The following VAPA variants were observed in gnomAD, a reference collection of about 807,000 sequenced individuals.
VAPA encodes VAMP associated protein A.
VAPA carries 6 observed loss-of-function variants against 25.6 expected under a neutral mutation model. The observed-to-expected ratio is 0.23, with a 90% CI of 0.13 to 0.46. The LOEUF (loss-of-function observed/expected upper bound fraction) is 0.46, where lower values mean the gene tolerates loss of function less well. VAPA is among the 20% of genes least tolerant of loss of function. VAPA has a pLI of 0.99. For synonymous variants in VAPA, 112 were observed against 106.2 expected (o/e 1.05, Z -0.34); for missense variants, 244 against 302.1 (o/e 0.81, Z 1.43).
At position 9,955,837 on chromosome 18, in the gene VAPA, G is replaced by C. The variant is rs2069543361; in HGVS notation, c.*1626G>C. On this transcript the variant is annotated 3_prime_UTR_variant, in exon 6 of 6. Coordinates refer to ENST00000400000, the MANE Select transcript of VAPA (RefSeq NM_194434.3). ...CACAAGTAATGCCTATCCATTACTA[G>C]CATGCTATGCTGCATGCTTTACTGC... The C allele has an allele frequency of 6.6e-6, 1 of 152,134 alleles. No homozygotes were observed. Among genetic ancestry groups the C allele is most frequent in the Non-Finnish European group, 1.5e-5 (1 of 68,004 alleles). The allele number at this position is 152,134 out of a possible 1,614,324, so 9.4% of individuals were successfully genotyped here.
intron 2 of VAPA, among the ~76,000 whole-genome samples, 199 bp from the exon 3 acceptor site, chr18:9,935,911 A>G (rs2069305072): frequency 6.6e-6 from 1 of 152,206 alleles, no homozygotes; most frequent in Non-Finnish European, 1.5e-5. Flanking sequence ...TGATTCTTAA[A>G]CATTCCAGTG....
intron 1 of VAPA, among the ~76,000 whole-genome samples, chr18:9,930,037 T>C (rs1026393736): frequency 3.3e-5 from 5 of 152,168 alleles, no homozygotes; most frequent in Admixed American, 1.3e-4. Context: ...ACAACTCTTG[T>C]AGAGTTTGTT....
Position 9,958,793 on chromosome 18 carries a change from A to T in VAPA, c.*4582A>T, listed in dbSNP as rs921829802. Reference sequence around the variant, plus strand: ...AATTGCATAAAAGCTTTGCTTGTCAAGTTAGGATTGCTGGAATACCACTAA... The same window carrying T: ...AATTGCATAAAAGCTTTGCTTGTCATGTTAGGATTGCTGGAATACCACTAA... On this transcript the variant is annotated 3_prime_UTR_variant, in exon 6 of 6. Transcript: ENST00000400000. The T allele has an allele frequency of 1.3e-5, 2 of 152,238 alleles. No individual in the cohort carries two copies. The highest frequency in any genetic ancestry group is 1.3e-4 in the Admixed American group (2 of 15,280). The allele number at this position is 152,238 out of a possible 1,614,324, so 9.4% of individuals were successfully genotyped here.
At chr18:9,946,468 T>C (rs531329269) in intron 4 of VAPA, among the ~76,000 whole-genome samples, 1 of 138,510 alleles carries the variant, frequency 7.2e-6, no homozygotes, top group African/African-American at 2.5e-5. Flanking sequence ...GAGTTTTTTT[T>C]TGTGTGATTT....
intron 1 of VAPA, among the ~76,000 whole-genome samples, chr18:9,922,145 T>C (rs116961012): frequency 0.02 from 2,982 of 152,166 alleles, 45 homozygotes; most frequent in Non-Finnish European, 0.03. Context: ...TTATATGTTT[T>C]ATTTTTTGTA....
chr18:9,939,420 G>A (rs1409467274), intron 4 of VAPA, among the ~76,000 whole-genome samples: 1 of 151,836 alleles, frequency 6.6e-6, no homozygotes, highest in African/African-American at 2.4e-5. Context: ...CTCCCAAAGT[G>A]CTGGGATTAC....
At chr18:9,939,565 T>G (rs2069346478) in intron 4 of VAPA, among the ~76,000 whole-genome samples, 1 of 151,330 alleles carries the variant, frequency 6.6e-6, no homozygotes, top group African/African-American at 2.4e-5. Flanking sequence ...ATTATTAAAC[T>G]AGGTTTGCCT....
At position 9,954,525 on chromosome 18, in the gene VAPA, CAG is replaced by C. The variant is rs999776786; in HGVS notation, c.*317_*318del. 4 of 228,824 alleles carry C rather than the reference CAG, an allele frequency of 1.7e-5. No individual in the cohort carries two copies. Among genetic ancestry groups the C allele is most frequent in the East Asian group, 1.0e-4 (1 of 9,810 alleles). The allele number at this position is 228,824 out of a possible 1,614,324, so 14.2% of individuals were successfully genotyped here. A position where few individuals can be genotyped will look rare whatever the true frequency, so the allele number is the denominator to read the frequency against. On this transcript the variant is annotated 3_prime_UTR_variant, in exon 6 of 6. Transcript: ENST00000400000. The stretch of plus-strand genomic sequence containing the variant: ...TTTTAATAAGAGTTCAAGAATTGTT[CAG>C]AGTCTTGTAAATGTTATTTTAATAA...
At chr18:9,919,567 A>G (rs537842637) in intron 1 of VAPA, among the ~76,000 whole-genome samples, 1 of 152,348 alleles carries the variant, frequency 6.6e-6, no homozygotes, top group East Asian at 1.9e-4. Context: ...TCACAGTTGA[A>G]CTAAGATTCC....
intron 4 of VAPA, among the ~76,000 whole-genome samples, chr18:9,937,411 G>A (rs1245783819): frequency 6.6e-6 from 1 of 151,764 alleles, no homozygotes; most frequent in East Asian, 1.9e-4. Context: ...ATTGCTTTTT[G>A]GCCACTATGT....
At chr18:9,915,824 A>C (rs998281257) in intron 1 of VAPA, 1 of 152,196 alleles carries the variant, frequency 6.6e-6, no homozygotes, top group African/African-American at 2.4e-5. Context: ...TTGTTGGGTA[A>C]GGATTTGGTT....
rs1285687001 is a variant in VAPA at position 9,958,251 on chromosome 18, CTTTGT to C, written c.*4044_*4048del. ...TATAAATGTGACTAAAAGCATTTTG[CTTTGT>C]TTTTATAGTTAACTTTCTTAAGGTT... On this transcript the variant is annotated 3_prime_UTR_variant, in exon 6 of 6. Coordinates refer to ENST00000400000, the MANE Select transcript of VAPA (RefSeq NM_194434.3). 3.3e-5 allele frequency: 5 copies of C among 152,044 alleles called. No homozygotes were observed. In the East Asian group the frequency reaches 9.6e-4, roughly 29 times the overall value. 9.4% of individuals were successfully genotyped at this position (152,044 alleles called of 1,614,324 possible). A position where few individuals can be genotyped will look rare whatever the true frequency, so the allele number is the denominator to read the frequency against.
chr18:9,927,332 A>G (rs1400260536), intron 1 of VAPA, among the ~76,000 whole-genome samples: 3 of 152,072 alleles, frequency 2.0e-5, no homozygotes, highest in Non-Finnish European at 2.9e-5. Flanking sequence ...ATGTTGGGGG[A>G]AAAGCTAGCT....
chr18:9,936,653 G>C (rs1320988799), intron 3 of VAPA: 4 of 252,336 alleles, frequency 1.6e-5, no homozygotes, highest in African/African-American at 2.3e-5. Context: ...AGGCATGGGA[G>C]GATTGATTGC....
At chr18:9,943,363 TTCCTGGATAACAAGCATAA>T (rs368922625) in intron 4 of VAPA, among the ~76,000 whole-genome samples, 251 of 152,318 alleles carry the variant, frequency 1.6e-3, no homozygotes, top group African/African-American at 5.7e-3. Context: ...TCAATATTTT[TTCCTGGATAACAAGCATAA>T]GCAAATACCA....
Position 9,931,864 on chromosome 18 carries a change from G to A in VAPA, c.134G>A (p.Arg45Lys), listed in dbSNP as rs1004365982. The A allele has an allele frequency of 1.2e-6, 2 of 1,613,994 alleles. No homozygotes were observed. The highest frequency in any genetic ancestry group is 8.5e-7 in the Non-Finnish European group (1 of 1,179,894). ...TNLKLRNPSD[R>K]KVCFKVKTTA... The stretch of plus-strand genomic sequence containing the variant: ...CTTAAATTGCGAAATCCATCGGATA[G>A]AAAAGTGTGTTTCAAAGTGAAGACT... The change falls in exon 2 of 6, where the codon AGA (arginine) becomes AAA (lysine). Residue 45 changes from arginine (R) to lysine (K), a missense_variant. Arg to Lys is a conservative substitution (Grantham distance 26). Coordinates refer to ENST00000400000, the MANE Select transcript of VAPA (RefSeq NM_194434.3).
chr18:9,920,655 GAA>G (rs1252311718), intron 1 of VAPA, among the ~76,000 whole-genome samples: 4 of 152,118 alleles, frequency 2.6e-5, no homozygotes, highest in Non-Finnish European at 4.4e-5. Context: ...CTACGCTTTG[GAA>G]AAAGGAGGCT....
chr18:9,950,582 G>C lies in VAPA; in HGVS notation c.591+14G>C. The C allele has an allele frequency of 6.2e-7, 1 of 1,605,604 alleles. No homozygotes were observed. The highest frequency in any genetic ancestry group is 8.5e-7 in the Non-Finnish European group (1 of 1,177,820). ...CGGCACCTGAGAGTAAGTTCTGTTG[G>C]TTGAAAATAAATTGATTGAAATGAA... On this transcript the variant is annotated intron_variant, in intron 5 of 5. Transcript: ENST00000400000.
chr18:9,927,790 G>T (rs946319359), intron 1 of VAPA, among the ~76,000 whole-genome samples: 6 of 152,008 alleles, frequency 3.9e-5, no homozygotes, highest in African/African-American at 1.4e-4. Context: ...TTATGTATGT[G>T]TTACATTTCT....
Sources: gnomAD v4.1 joint callset for allele counts (sites outside exome capture counted in the v4.1 genomes callset) on GRCh38, gnomAD v4.1.1 for gene constraint, MANE v1.5 for transcripts, NCBI Gene and HGNC (gene_info 2026-07-23, HGNC 2026-07-21) for gene names.